Variants in ATP6AP2 observed in about 807,000 individuals in gnomAD.
The protein encoded by ATP6AP2 is ATPase H+ transporting accessory protein 2, also known as renin receptor.
In ATP6AP2, 1 loss-of-function variant was observed where a neutral mutation model predicts 23.4. The observed-to-expected ratio is 0.04, with a 90% CI of 0.02 to 0.20. ATP6AP2 has a LOEUF of 0.20. Ranked by LOEUF, ATP6AP2 falls within the 10% of genes least tolerant of loss-of-function variation. ATP6AP2 has a pLI of 1.00. For missense variants in ATP6AP2, 174 were observed against 271.3 expected, an observed-to-expected ratio of 0.64 and a Z score of 2.52; for synonymous variants, 90 against 97.1, an observed-to-expected ratio of 0.93 and a Z score of 0.43.
At chrX:40,589,295 G>A in intron 2 of ATP6AP2, 179 bp downstream of exon 2, 1 of 505,430 alleles carries the variant, frequency 2.0e-6, no homozygotes, top group Non-Finnish European at 3.1e-6. Flanking sequence ...CACTCTGGGA[G>A]GCCGAGGTGG....
At position 40,581,290 on chromosome X, in the gene ATP6AP2, G is replaced by C. The variant is rs773422892; in HGVS notation, c.37+188G>C. Among the ~76,000 whole-genome samples the C allele has an allele frequency of 5.3e-5, 6 of 113,353 alleles. No individual in the cohort carries two copies. The South Asian group carries it at 2.1e-3, about 40-fold the overall frequency. ...ATCGGCCGTGGCGGCGCGGCCTCAC[G>C]GGCCGCCGGGGCCGGGGCTGGGCTG... is the stretch of plus-strand genomic sequence containing the variant. On this transcript the variant is annotated intron_variant, in intron 1 of 8. Transcript: ENST00000636580.
chrX:40,606,463 C>T lies in ATP6AP2; in HGVS notation c.*708C>T, dbSNP rs1327269774. 1.8e-5 allele frequency: 2 copies of T among 112,213 alleles called. No individual in the cohort carries two copies. The highest frequency in any genetic ancestry group is 3.8e-5 in the Non-Finnish European group (2 of 53,173). 9.2% of individuals were successfully genotyped at this position (112,213 alleles called of 1,213,427 possible). A position where few individuals can be genotyped will look rare whatever the true frequency, so the allele number is the denominator to read the frequency against. ...AAAATCCCTGAGGGACATTTTGAGGCATGAATATAAAACATTTTTATTTCA... is the reference window on the plus strand; with the variant it reads ...AAAATCCCTGAGGGACATTTTGAGGTATGAATATAAAACATTTTTATTTCA... On this transcript the variant is annotated 3_prime_UTR_variant, in exon 9 of 9. Coordinates refer to ENST00000636580, the MANE Select transcript of ATP6AP2 (RefSeq NM_005765.3).
chrX:40,589,261 A>T (rs1602398408), intron 2 of ATP6AP2, 145 bp downstream of exon 2: 2 of 710,353 alleles, frequency 2.8e-6, no homozygotes, highest in Non-Finnish European at 4.1e-6. Context: ...GACCAGGCAC[A>T]GTGGCTCACG....
At chrX:40,600,987 G>A (rs1926891995) in intron 8 of ATP6AP2, 106 bp downstream of exon 8, 1 of 853,534 alleles carries the variant, frequency 1.2e-6, no homozygotes, top group Non-Finnish European at 1.6e-6. Flanking sequence ...TGAGCAGTCA[G>A]TAAATCTGAA....
In ATP6AP2 at chrX:40,599,689, A is replaced by G; in HGVS notation, c.686A>G (p.Asp229Gly). The G allele has an allele frequency of 8.3e-7, 1 of 1,211,103 alleles. No homozygotes were observed. The highest frequency in any genetic ancestry group is 1.1e-6 in the Non-Finnish European group (1 of 895,174). The change falls in exon 7 of 9, where the codon GAC becomes GGC. Residue 229 changes from aspartate (D) to glycine (G), a missense_variant. Physicochemically the swap from Asp to Gly is moderately conservative, Grantham distance 94. Transcript: ENST00000636580. ...LDEIGKRYGE[D>G]SEQFRDASKI... ...GAAATTGGGAAGCGTTATGGGGAAGACTCTGAACAATTCAGAGATGCTTCT... is the reference window on the plus strand; with the variant it reads ...GAAATTGGGAAGCGTTATGGGGAAGGCTCTGAACAATTCAGAGATGCTTCT...
chrX:40,581,224 C>T (rs779783772), intron 1 of ATP6AP2, 122 bp downstream of exon 1: 111 of 774,415 alleles, frequency 1.4e-4, no homozygotes, highest in African/African-American at 9.2e-4. Context: ...CCGTCAGCGG[C>T]GGCCTCGCCT....
At chrX:40,604,931 A>T (rs866754618) in intron 8 of ATP6AP2, among the ~76,000 whole-genome samples, 7 of 78,181 alleles carry the variant, frequency 9.0e-5, no homozygotes, top group Admixed American at 3.4e-4. Flanking sequence ...TCTGTTGATG[A>T]TTTTTTTTTT....
Position 40,592,942 on chromosome X carries a change from A to G in ATP6AP2, c.300+1577A>G, listed in dbSNP as rs144488595. 9.9e-3 allele frequency among the ~76,000 whole-genome samples: 1,110 copies of G among 112,039 alleles called. 13 individuals carry two copies. The highest frequency in any genetic ancestry group is 0.034 in the African/African-American group (1,054 of 30,868). On this transcript the variant is annotated intron_variant, in intron 3 of 8. Coordinates refer to ENST00000636580, the MANE Select transcript of ATP6AP2 (RefSeq NM_005765.3). ...AGTTAAATCTGAAAATAATAATAAAATGATATCTTAAAAGGGTATTTGGAG... is the reference window on the plus strand; with the variant it reads ...AGTTAAATCTGAAAATAATAATAAAGTGATATCTTAAAAGGGTATTTGGAG...
chrX:40,594,955 G>A (rs760878924), intron 3 of ATP6AP2, among the ~76,000 whole-genome samples: 8 of 111,732 alleles, frequency 7.2e-5, no homozygotes, highest in African/African-American at 9.8e-5. Flanking sequence ...TAAAGAAAGC[G>A]GAAGAACTTC....
At chrX:40,583,685 GC>G (rs1448563764) in intron 1 of ATP6AP2, among the ~76,000 whole-genome samples, 1 of 111,919 alleles carries the variant, frequency 8.9e-6, no homozygotes, top group Non-Finnish European at 1.9e-5. Flanking sequence ...GGGTCATAAG[GC>G]ACCCAATTCT....
chrX:40,597,602 C>T lies in ATP6AP2; in HGVS notation c.472C>T (p.Leu158=), dbSNP rs372993268. 2.9e-5 allele frequency: 35 copies of T among 1,208,255 alleles called. No homozygotes were observed. The highest frequency in any genetic ancestry group is 3.7e-5 in the Non-Finnish European group (33 of 893,501). The change falls in exon 5 of 9, where the codon CTG becomes TTG. Residue 158 remains leucine, a synonymous_variant. Transcript: ENST00000636580. ...CACCTTGCGCCAGCTCCGTAATCGC[C>T]TGTTTCAAGAAAACTCTGTTCTCAG... is the stretch of plus-strand genomic sequence containing the variant. ...SVTLRQLRNR[L]FQENSVLSSL...
intron 3 of ATP6AP2, among the ~76,000 whole-genome samples, chrX:40,594,654 C>T (rs1367608580): frequency 1.8e-5 from 2 of 111,400 alleles, no homozygotes; most frequent in Non-Finnish European, 3.8e-5. Context: ...TAGACAAGAC[C>T]TAAAATTGAA....
Position 40,600,757 on chromosome X carries a change from T to G in ATP6AP2, c.739-5T>G, listed in dbSNP as rs1040292551. 1.7e-6 allele frequency: 2 copies of G among 1,200,135 alleles called. No individual in the cohort carries two copies. The highest frequency in any genetic ancestry group is 2.2e-6 in the Non-Finnish European group (2 of 890,028). Reference sequence around the variant, plus strand: ...TTCCCAATAATGTTAATAACTAACTTTCAGTTTGCAGATGACATGTACAGT... The same window carrying G: ...TTCCCAATAATGTTAATAACTAACTGTCAGTTTGCAGATGACATGTACAGT... On this transcript the variant is annotated splice_polypyrimidine_tract_variant and splice_region_variant and intron_variant, in intron 7 of 8. Coordinates refer to ENST00000636580, the MANE Select transcript of ATP6AP2 (RefSeq NM_005765.3).
chrX:40,601,796 G>A (rs1926912872), intron 8 of ATP6AP2, among the ~76,000 whole-genome samples: 1 of 111,841 alleles, frequency 8.9e-6, no homozygotes. Flanking sequence ...GTGGGACTTG[G>A]AGTCGGAAGG....
intron 1 of ATP6AP2, among the ~76,000 whole-genome samples, chrX:40,584,762 A>C (rs1341301178): frequency 9.0e-6 from 1 of 110,652 alleles, no homozygotes; most frequent in Non-Finnish European, 1.9e-5. Context: ...ATGCACCACC[A>C]CATCTGTCTA....
chrX:40,603,459 T>G (rs1470083943), intron 8 of ATP6AP2: 1 of 111,060 alleles, frequency 9.0e-6, no homozygotes, highest in Non-Finnish European at 1.9e-5. Flanking sequence ...CATGCCTGTG[T>G]ACCCATTCTC....
At chrX:40,599,287 A>G in intron 6 of ATP6AP2, 2 of 294,718 alleles carry the variant, frequency 6.8e-6, no homozygotes, top group South Asian at 4.1e-5. Flanking sequence ...TGGTCCAGCC[A>G]TCTGTTCTTT....
rs1351897356 is a variant in ATP6AP2, at chrX:40,602,913, C to CTTTTTTTTTTTTTT, written c.858+2047_858+2060dup. 1.1e-4 allele frequency among the ~76,000 whole-genome samples: 5 copies of CTTTTTTTTTTTTTT among 45,223 alleles called. 1 individual carries two copies. Among genetic ancestry groups the CTTTTTTTTTTTTTT allele is most frequent in the African/African-American group, 6.2e-4 (5 of 8,106 alleles). 39.3% of individuals were successfully genotyped at this position (45,223 alleles called of 115,157 possible). On this transcript the variant is annotated intron_variant, in intron 8 of 8. Coordinates refer to ENST00000636580, the MANE Select transcript of ATP6AP2 (RefSeq NM_005765.3). ...GAGTGGGGATGCCTCCCAGAGAATT[C>CTTTTTTTTTTTTTT]TTTTTTTTTTTTTTTTTTTTTTTTT...
chrX:40,599,085 T>C (rs993693681), intron 6 of ATP6AP2: 1 of 244,612 alleles, frequency 4.1e-6, no homozygotes, highest in Admixed American at 6.5e-5. Flanking sequence ...CTAATAATGC[T>C]GTCAGTCAAG....
Sources: gnomAD v4.1 joint callset for allele counts (sites outside exome capture counted in the v4.1 genomes callset) on GRCh38, gnomAD v4.1.1 for gene constraint, MANE v1.5 for transcripts, NCBI Gene and HGNC (gene_info 2026-07-23, HGNC 2026-07-21) for gene names.